SAMD8: variants seen among roughly 807,000 people sequenced by gnomAD.
SAMD8 encodes sterile alpha motif domain containing 8.
Under a neutral mutation model 42.0 loss-of-function variants are expected in SAMD8, and 20 were observed. The observed-to-expected ratio is 0.48, with a 90% CI of 0.34 to 0.69. SAMD8 has a LOEUF of 0.69. SAMD8 is among the 30% of genes least tolerant of loss of function. SAMD8 has a pLI of 0.01. For missense variants in SAMD8, 328 were observed against 511.6 expected (o/e 0.64, Z 3.46); for synonymous variants, 162 against 173.0 (o/e 0.94, Z 0.50).
intron 1 of SAMD8, among the ~76,000 whole-genome samples, chr10:75,132,288 T>A (rs1849290772): frequency 6.6e-6 from 1 of 152,238 alleles, no homozygotes; most frequent in South Asian, 2.1e-4. Context: ...TTCTGATTAT[T>A]AAATCAGCCT....
intron 2 of SAMD8, among the ~76,000 whole-genome samples, chr10:75,162,988 C>T (rs1046677234): frequency 1.3e-5 from 2 of 151,834 alleles, no homozygotes; most frequent in Non-Finnish European, 2.9e-5. Flanking sequence ...GCAGTGGCAA[C>T]GATCTCGGCT....
chr10:75,166,144 T>G (rs1176520124), intron 3 of SAMD8, among the ~76,000 whole-genome samples: 1 of 152,064 alleles, frequency 6.6e-6, no homozygotes, highest in Non-Finnish European at 1.5e-5. Context: ...TTTATTTACT[T>G]TTACTGCTTC....
chr10:75,115,420 A>G (rs1848853901), intron 1 of SAMD8, among the ~76,000 whole-genome samples: 1 of 152,196 alleles, frequency 6.6e-6, no homozygotes, highest in African/African-American at 2.4e-5. Flanking sequence ...GCACACTGGG[A>G]AAACAGATTG....
In SAMD8 at chr10:75,159,047, A is replaced by AT. The variant is rs981452768; in HGVS notation, c.579-5589dup. Among the ~76,000 whole-genome samples the AT allele has an allele frequency of 1.6e-3, 211 of 136,108 alleles. 1 individual carries two copies. Among genetic ancestry groups the AT allele is most frequent in the African/African-American group, 5.6e-3 (189 of 33,656 alleles). 89.3% of individuals were successfully genotyped at this position (136,108 alleles called of 152,430 possible). On this transcript the variant is annotated intron_variant, in intron 2 of 5. Transcript: ENST00000542569. ...CATATGCAAAGTTTTGTGTAGACAA[A>AT]TTTTTTTTTCTTTTTCTTTTTTTTT... is the stretch of plus-strand genomic sequence containing the variant.
intron 2 of SAMD8, among the ~76,000 whole-genome samples, chr10:75,159,063 C>T (rs113766629): frequency 2.3e-4 from 31 of 133,424 alleles, no homozygotes; most frequent in African/African-American, 4.4e-4. Flanking sequence ...TTTTCTTTTT[C>T]TTTTTTTTTT....
intron 2 of SAMD8, among the ~76,000 whole-genome samples, chr10:75,158,159 CAAAAAAAA>C (rs562595597): frequency 3.7e-5 from 4 of 107,052 alleles, no homozygotes; most frequent in Non-Finnish European, 5.9e-5. Context: ...AACTCTGTCT[CAAAAAAAA>C]AAGAAAAAAA....
chr10:75,111,693 G>T lies in SAMD8; in HGVS notation c.-45G>T. The T allele has an allele frequency of 8.1e-7, 1 of 1,235,720 alleles. No homozygotes were observed. Among genetic ancestry groups the T allele is most frequent in the Non-Finnish European group, 1.0e-6 (1 of 989,946 alleles). The allele number at this position is 1,235,720 out of a possible 1,614,324, so 76.5% of individuals were successfully genotyped here. A position where few individuals can be genotyped will look rare whatever the true frequency, so the allele number is the denominator to read the frequency against. On this transcript the variant is annotated 5_prime_UTR_variant, in exon 1 of 6. Transcript: ENST00000542569. Reference sequence around the variant, plus strand: ...CGGCTCGGACGCCGACTCGGAGGTGGGTCCGGGGAGCCCGACTCGGACCGC... The same window carrying T: ...CGGCTCGGACGCCGACTCGGAGGTGTGTCCGGGGAGCCCGACTCGGACCGC...
At chr10:75,120,905 C>G (rs34088482) in intron 1 of SAMD8, among the ~76,000 whole-genome samples, 1 of 151,228 alleles carries the variant, frequency 6.6e-6, no homozygotes, top group Non-Finnish European at 1.5e-5. Context: ...CTCTGCCTCC[C>G]GAGTAGCTGG....
At chr10:75,109,719 T>C (rs1191908279), upstream of SAMD8, among the ~76,000 whole-genome samples, 1 of 152,160 alleles carries the variant, frequency 6.6e-6, no homozygotes, top group Non-Finnish European at 1.5e-5. Context: ...CAGGGACAGT[T>C]TTCTGAGTTG....
At chr10:75,164,943 A>G (rs867933240) in intron 3 of SAMD8, among the ~76,000 whole-genome samples, 2 of 152,242 alleles carry the variant, frequency 1.3e-5, no homozygotes, top group African/African-American at 4.8e-5. Flanking sequence ...TCCTGAATGC[A>G]TTTTGCACGG....
chr10:75,109,103 G>T, upstream of SAMD8: 9 of 1,611,908 alleles, frequency 5.6e-6, no homozygotes, highest in Non-Finnish European at 7.6e-6. Context: ...AGGATGCTGG[G>T]GCAAGGCGTG....
At chr10:75,154,019 G>A (rs960017912) in intron 2 of SAMD8, among the ~76,000 whole-genome samples, 31 of 152,128 alleles carry the variant, frequency 2.0e-4, no homozygotes, top group African/African-American at 6.8e-4. Flanking sequence ...ACCCACCTGG[G>A]CCTCCCAAAG....
chr10:75,177,548 T>C lies in SAMD8; in HGVS notation c.*856T>C, dbSNP rs569880538. Reference sequence around the variant, plus strand: ...TAATGGTGTTATTAAATGAGCCAAATAGGAGTGTTTTACCAGATGTTAGAT... The same window carrying C: ...TAATGGTGTTATTAAATGAGCCAAACAGGAGTGTTTTACCAGATGTTAGAT... On this transcript the variant is annotated 3_prime_UTR_variant, in exon 6 of 6. Coordinates refer to ENST00000542569, the MANE Select transcript of SAMD8 (RefSeq NM_001174156.2). The C allele has an allele frequency of 2.7e-4, 41 of 152,220 alleles. No individual in the cohort carries two copies. Among genetic ancestry groups the C allele is most frequent in the Non-Finnish European group, 5.0e-4 (34 of 68,040 alleles). 9.4% of individuals were successfully genotyped at this position (152,220 alleles called of 1,614,324 possible).
At chr10:75,149,493 T>G (rs1188473131) in intron 1 of SAMD8, among the ~76,000 whole-genome samples, 1 of 152,208 alleles carries the variant, frequency 6.6e-6, no homozygotes, top group East Asian at 1.9e-4. Flanking sequence ...AATGTAATAT[T>G]CAAAGCTGTA....
intron 1 of SAMD8, among the ~76,000 whole-genome samples, chr10:75,112,958 A>G (rs1003350263): frequency 6.6e-6 from 1 of 152,164 alleles, no homozygotes; most frequent in Non-Finnish European, 1.5e-5. Context: ...CTCACTGATA[A>G]CCCCAGGATT....
At chr10:75,143,315 TAAAC>T (rs1265747147) in intron 1 of SAMD8, among the ~76,000 whole-genome samples, 11 of 152,266 alleles carry the variant, frequency 7.2e-5, no homozygotes, top group Non-Finnish European at 1.0e-4. Context: ...CATAAATAAA[TAAAC>T]TAACTAACTT....
chr10:75,106,066 T>C (rs1255298472), intron 1 of SAMD8, among the ~76,000 whole-genome samples: 1 of 151,948 alleles, frequency 6.6e-6, no homozygotes, highest in Non-Finnish European at 1.5e-5. Flanking sequence ...ACCCTTGGGA[T>C]AGGGTCCGAA....
chr10:75,112,616 A>G (rs964138451), intron 1 of SAMD8, among the ~76,000 whole-genome samples: 4 of 152,210 alleles, frequency 2.6e-5, no homozygotes, highest in African/African-American at 4.8e-5. Context: ...ATTTGGATTT[A>G]TTGACAGTAA....
upstream of SAMD8, among the ~76,000 whole-genome samples, chr10:75,109,513 G>A (rs1312335120): frequency 1.3e-5 from 2 of 152,226 alleles, no homozygotes; most frequent in African/African-American, 4.8e-5. Flanking sequence ...TGTGGAATTA[G>A]TAGATGTAGA....
Sources: gnomAD v4.1 joint callset for allele counts (sites outside exome capture counted in the v4.1 genomes callset) on GRCh38, gnomAD v4.1.1 for gene constraint, MANE v1.5 for transcripts, NCBI Gene and HGNC (gene_info 2026-07-23, HGNC 2026-07-21) for gene names.